Variants in TNFRSF8 observed in about 807,000 individuals in gnomAD.
TNFRSF8 encodes tumor necrosis factor receptor superfamily member 8.
Under a neutral mutation model 70.8 loss-of-function variants are expected in TNFRSF8, and 26 were observed. The ratio of observed to expected loss-of-function variants is 0.37; its 90% CI spans 0.27 to 0.51. TNFRSF8 has a LOEUF of 0.51. TNFRSF8 is among the 20% of genes least tolerant of loss of function. The pLI is 0.94. For missense variants in TNFRSF8, 720 were observed against 807.9 expected (o/e 0.89, Z 1.32); for synonymous variants, 356 against 339.2 (o/e 1.05, Z -0.54).
chr1:12,119,655 G>A lies in TNFRSF8; in HGVS notation c.947-3629G>A, dbSNP rs777224498. ...CTCACTCTGTGTTCCAGGCTGGAGT[G>A]CAGTGGCATGATCTTGGCTCACTGC... On this transcript the variant is annotated intron_variant, in intron 8 of 14. Transcript: ENST00000263932. The surrounding 1 kb of genome is among the most constrained non-coding windows in gnomAD (Gnocchi z 4.4). 4.6e-5 allele frequency among the ~76,000 whole-genome samples: 7 copies of A among 151,376 alleles called. No individual in the cohort carries two copies. The highest frequency in any genetic ancestry group is 2.0e-4 in the Admixed American group (3 of 15,174).
chr1:12,097,108 C>T lies in TNFRSF8; in HGVS notation c.159C>T (p.Phe53=). The T allele has an allele frequency of 1.9e-6, 3 of 1,613,596 alleles. No individual in the cohort carries two copies. Among genetic ancestry groups the T allele is most frequent in the Non-Finnish European group, 2.5e-6 (3 of 1,179,698 alleles). Residue 53 remains phenylalanine (F), a synonymous_variant, in exon 3 of 15, where the codon TTC becomes TTT. Coordinates refer to ENST00000263932, the MANE Select transcript of TNFRSF8 (RefSeq NM_001243.5). ...CTCTGTTTCTTTTCCCAGGGCTGTT[C>T]CCGACACAGCAGTGCCCACAGAGGC... The part of the protein sequence containing the change: ...RCCYRCPMGL[F]PTQQCPQRPT...
intron 1 of TNFRSF8, among the ~76,000 whole-genome samples, chr1:12,066,769 C>T (rs1640748923): frequency 6.6e-6 from 1 of 152,176 alleles, no homozygotes; most frequent in Admixed American, 6.5e-5. Flanking sequence ...TCTCCTGCCT[C>T]AGCCTCCTGA....
chr1:12,080,838 G>A (rs953772663), intron 1 of TNFRSF8, among the ~76,000 whole-genome samples: 27 of 152,196 alleles, frequency 1.8e-4, no homozygotes, highest in African/African-American at 6.0e-4. Flanking sequence ...GGGACTACAG[G>A]CGTGAGCCAC....
At chr1:12,125,783 C>G in intron 10 of TNFRSF8, 168 bp from the exon 11 acceptor site, 1 of 668,396 alleles carries the variant, frequency 1.5e-6, no homozygotes, top group Non-Finnish European at 2.7e-6. Context: ...CTTCCTGGAG[C>G]CAGGCGAGGG....
intron 8 of TNFRSF8, among the ~76,000 whole-genome samples, chr1:12,117,274 G>A (rs1641749251): frequency 6.6e-6 from 1 of 152,078 alleles, no homozygotes; most frequent in Non-Finnish European, 1.5e-5. Context: ...GTAGAGACGG[G>A]GTTTTGCCAT....
chr1:12,066,943 G>A (rs551746876), intron 1 of TNFRSF8, among the ~76,000 whole-genome samples: 29 of 152,232 alleles, frequency 1.9e-4, no homozygotes, highest in African/African-American at 6.0e-4. Context: ...GTGAGCCACC[G>A]TGCCCATCCT....
intron 12 of TNFRSF8, among the ~76,000 whole-genome samples, chr1:12,131,904 C>T (rs1178880354): frequency 6.6e-6 from 1 of 152,034 alleles, no homozygotes; most frequent in Non-Finnish European, 1.5e-5. Context: ...AGCAATTCTC[C>T]TGCCTCAGCC....
At position 12,087,705 on chromosome 1, in the gene TNFRSF8, A is replaced by C. The variant is rs369349367; in HGVS notation, c.151+3154A>C. 4.6e-5 allele frequency among the ~76,000 whole-genome samples: 7 copies of C among 152,286 alleles called. No homozygotes were observed. The East Asian group carries it at 1.2e-3, about 25-fold the overall frequency. On this transcript the variant is annotated intron_variant, in intron 2 of 14. Coordinates refer to ENST00000263932, the MANE Select transcript of TNFRSF8 (RefSeq NM_001243.5). ...GGGACCCACAATCCCAGCCACAAGGAGAAAGACACTTCCTTCTCATCCTCT... is the reference window on the plus strand; with the variant it reads ...GGGACCCACAATCCCAGCCACAAGGCGAAAGACACTTCCTTCTCATCCTCT...
intron 12 of TNFRSF8, among the ~76,000 whole-genome samples, chr1:12,135,217 G>A (rs1358663933): frequency 6.6e-6 from 1 of 151,254 alleles, no homozygotes; most frequent in Admixed American, 6.6e-5. Context: ...TCGGGAGGCT[G>A]AGGCATGAGA....
chr1:12,093,592 G>T (rs1173392421), intron 2 of TNFRSF8, among the ~76,000 whole-genome samples: 3 of 152,074 alleles, frequency 2.0e-5, no homozygotes, highest in African/African-American at 7.2e-5. Flanking sequence ...CCAGGCTGGG[G>T]TGCAGTGGCG....
chr1:12,123,287 T>C lies in TNFRSF8; in HGVS notation c.950T>C (p.Met317Thr), dbSNP rs750937715. 1.9e-5 allele frequency: 30 copies of C among 1,612,026 alleles called. No homozygotes were observed. The highest frequency in any genetic ancestry group is 6.6e-5 in the South Asian group (6 of 90,398). ...AGATGTTACGTCCCCTCTGCAGATA[T>C]GGCTGAGAAGGACACCACCTTTGAG... is the stretch of plus-strand genomic sequence containing the variant. ...AAETVTKPQDMAEKDTTFEAP... is the reference protein window; with the variant it reads ...AAETVTKPQDTAEKDTTFEAP... Residue 317 changes from methionine to threonine, a missense_variant, in exon 9 of 15, where the codon ATG (methionine) becomes ACG (threonine). Met to Thr is a moderately conservative substitution (Grantham distance 81). Coordinates refer to ENST00000263932, the MANE Select transcript of TNFRSF8 (RefSeq NM_001243.5).
chr1:12,122,962 A>G (rs1641859516), intron 8 of TNFRSF8, among the ~76,000 whole-genome samples: 1 of 151,770 alleles, frequency 6.6e-6, no homozygotes, highest in Non-Finnish European at 1.5e-5. Flanking sequence ...CTGAGTAGCT[A>G]GGATTACAGG....
chr1:12,082,903 T>C (rs572511245), intron 1 of TNFRSF8, among the ~76,000 whole-genome samples: 26 of 152,058 alleles, frequency 1.7e-4, no homozygotes, highest in African/African-American at 6.3e-4. Context: ...TTGCAGTACA[T>C]ATAATCAACA....
rs187510422 is a variant in TNFRSF8, at chr1:12,103,435, A to G, written c.269-944A>G. ...ATTGAACAGAAAATACAGAGTTCCT[A>G]TATACCCTCAACCCCCTTCCCAATC... On this transcript the variant is annotated intron_variant, in intron 3 of 14. Transcript: ENST00000263932. Among the ~76,000 whole-genome samples, 7 of 152,120 alleles carry G rather than the reference A, an allele frequency of 4.6e-5. No individual in the cohort carries two copies. The East Asian group carries it at 1.2e-3, about 25-fold the overall frequency.
At chr1:12,104,024 C>T (rs541758014) in intron 3 of TNFRSF8, among the ~76,000 whole-genome samples, 5 of 152,274 alleles carry the variant, frequency 3.3e-5, no homozygotes, top group Admixed American at 1.3e-4. Flanking sequence ...TGGTTCACCT[C>T]TCCCTCCCCC....
chr1:12,111,276 G>T (rs1245283341), intron 6 of TNFRSF8, among the ~76,000 whole-genome samples: 1 of 151,954 alleles, frequency 6.6e-6, no homozygotes, highest in African/African-American at 2.4e-5. Flanking sequence ...CCGCCTCCTG[G>T]GTTCAAGCAA....
At chr1:12,070,686 G>T (rs1244290451) in intron 1 of TNFRSF8, among the ~76,000 whole-genome samples, 2 of 152,218 alleles carry the variant, frequency 1.3e-5, no homozygotes, top group Non-Finnish European at 2.9e-5. Flanking sequence ...AGCGCAGAGG[G>T]CAGGAGGGAA....
intron 2 of TNFRSF8, among the ~76,000 whole-genome samples, chr1:12,091,183 G>C (rs1641242558): frequency 6.6e-6 from 1 of 152,222 alleles, no homozygotes; most frequent in African/African-American, 2.4e-5. Context: ...GTCTGTCGTA[G>C]TTTGTTATGG....
rs577750367 is a variant in TNFRSF8 at position 12,126,304 on chromosome 1, C to T, written c.1309+68C>T. The T allele has an allele frequency of 3.3e-5, 52 of 1,584,860 alleles. 1 individual carries two copies. In the South Asian group the frequency reaches 4.8e-4, roughly 14 times the overall value. ...ACACAGGGCAGCTCTGGGCCCGGGG[C>T]GTGGGCTCCAGAGACTGAACTTCTA... On this transcript the variant is annotated intron_variant, in intron 12 of 14. Coordinates refer to ENST00000263932, the MANE Select transcript of TNFRSF8 (RefSeq NM_001243.5).
Sources: allele counts gnomAD v4.1 joint callset (sites outside exome capture counted in the v4.1 genomes callset), GRCh38; gene constraint gnomAD v4.1.1; non-coding constraint Gnocchi (gnomAD v3.1); transcripts MANE v1.5; gene names NCBI Gene and HGNC (gene_info 2026-07-23, HGNC 2026-07-21).